The following NALF1 variants were observed in gnomAD, a reference collection of about 807,000 sequenced individuals.
The protein encoded by NALF1 is family with sequence similarity 155 member A.
In NALF1, 3 loss-of-function variants were observed where a neutral mutation model predicts 48.4. The ratio of observed to expected loss-of-function variants is 0.06; its 90% CI spans 0.03 to 0.16. The LOEUF (loss-of-function observed/expected upper bound fraction) is 0.16, where lower values mean the gene tolerates loss of function less well. NALF1 is among the 10% of genes least tolerant of loss of function. The probability of loss-of-function intolerance (pLI) is 1.00; values close to 1 mark genes in which losing one functional copy is unlikely to be tolerated. For missense variants in NALF1, 526 were observed against 571.5 expected (o/e 0.92, Z 0.81); for synonymous variants, 262 against 245.7 (o/e 1.07, Z -0.62).
chr13:107,303,257 T>A (rs569797317), intron 1 of NALF1, among the ~76,000 whole-genome samples: 1 of 152,314 alleles, frequency 6.6e-6, no homozygotes, highest in Non-Finnish European at 1.5e-5. Context: ...GCTGTAGGAT[T>A]TCTTTATATA....
rs1415963873 is a variant in NALF1, at chr13:107,782,854, C to T, written c.915+82828G>A. Reference sequence around the variant, plus strand: ...CTGAGAAGTGAGGAGACCCTCCGCCCGGCAGCCGCCCCGTCTGGGAAGTGA... The same window carrying T: ...CTGAGAAGTGAGGAGACCCTCCGCCTGGCAGCCGCCCCGTCTGGGAAGTGA... On this transcript the variant is annotated intron_variant, in intron 1 of 2. Coordinates refer to ENST00000375915, the MANE Select transcript of NALF1 (RefSeq NM_001080396.3). Among the ~76,000 whole-genome samples the T allele has an allele frequency of 5.3e-5, 8 of 151,058 alleles. No homozygotes were observed. The East Asian group carries it at 6.0e-4, about 11-fold the overall frequency.
intron 1 of NALF1, among the ~76,000 whole-genome samples, chr13:107,570,615 C>G (rs1877959123): frequency 6.7e-6 from 1 of 149,600 alleles, no homozygotes; most frequent in South Asian, 2.1e-4. Context: ...TTTTAGGGTA[C>G]ATGTGCATAA....
chr13:107,318,873 C>A (rs1882200124), intron 1 of NALF1, among the ~76,000 whole-genome samples: 1 of 152,058 alleles, frequency 6.6e-6, no homozygotes, highest in African/African-American at 2.4e-5. Context: ...CATGGTCCAC[C>A]TATGGCATAA....
At chr13:107,843,757 A>G (rs1448344308) in intron 1 of NALF1, among the ~76,000 whole-genome samples, 1 of 152,176 alleles carries the variant, frequency 6.6e-6, no homozygotes, top group Non-Finnish European at 1.5e-5. Flanking sequence ...AAATCAGTGA[A>G]AGAAAGAAGA....
intron 1 of NALF1, among the ~76,000 whole-genome samples, chr13:107,691,638 A>G (rs986345128): frequency 6.6e-6 from 1 of 152,188 alleles, no homozygotes; most frequent in African/African-American, 2.4e-5. Context: ...ATACTGTGCA[A>G]TTTATTCTCA....
intron 1 of NALF1, among the ~76,000 whole-genome samples, chr13:107,310,409 CAAA>C (rs397955378): frequency 6.2e-5 from 5 of 80,028 alleles, no homozygotes; most frequent in Non-Finnish European, 5.6e-5. Flanking sequence ...GATTCCATCT[CAAA>C]AAAAAAAAAA....
intron 1 of NALF1, among the ~76,000 whole-genome samples, chr13:107,460,659 A>C (rs527253949): frequency 6.6e-6 from 1 of 152,316 alleles, no homozygotes; most frequent in African/African-American, 2.4e-5. Context: ...ACAGGTCTAG[A>C]ACTTTACAGA....
rs368519398 is a variant in NALF1, at chr13:107,865,830, C to A, written c.767G>T (p.Gly256Val). 8 of 1,613,992 alleles carry A rather than the reference C, an allele frequency of 5.0e-6. No homozygotes were observed. In the African/African-American group the frequency reaches 1.1e-4, roughly 22 times the overall value. ...GCACTGCCTGCAAGTGGTCATCTCG[C>A]CGCCTTCCTTGAGCACCACATCCAG... Reference protein sequence around the residue: ...CSLDVVLKEGGEMTTCRQCVE... With the variant: ...CSLDVVLKEGVEMTTCRQCVE... The change falls in exon 1 of 3, where the codon GGC (glycine) becomes GTC (valine). Residue 256 changes from glycine (G) to valine (V), a missense_variant. By Grantham distance (109) the Gly-to-Val change is moderately radical. Coordinates refer to ENST00000375915, the MANE Select transcript of NALF1 (RefSeq NM_001080396.3).
intron 1 of NALF1, among the ~76,000 whole-genome samples, chr13:107,329,467 T>C (rs1882426246): frequency 6.6e-6 from 1 of 151,916 alleles, no homozygotes; most frequent in Non-Finnish European, 1.5e-5. Context: ...GCTTCACTCC[T>C]GGGAATACCT....
intron 1 of NALF1, among the ~76,000 whole-genome samples, chr13:107,667,575 A>C (rs1880891780): frequency 6.6e-6 from 1 of 152,112 alleles, no homozygotes; most frequent in Non-Finnish European, 1.5e-5. Flanking sequence ...TTCTTAAAGC[A>C]TATCTGAAGG....
At position 107,192,282 on chromosome 13, in the gene NALF1, A is replaced by C. The variant is rs77091010; in HGVS notation, c.1087+18302T>G. Among the ~76,000 whole-genome samples the C allele has an allele frequency of 6.6e-3, 1,008 of 152,334 alleles. 13 individuals carry two copies. The highest frequency in any genetic ancestry group is 0.022 in the African/African-American group (925 of 41,578). ...GGTCTGACCCAAAGACCCTGACCCA[A>C]ACGACGGATGAATAACATGCACTGA... On this transcript the variant is annotated intron_variant, in intron 2 of 2. Coordinates refer to ENST00000375915, the MANE Select transcript of NALF1 (RefSeq NM_001080396.3).
In NALF1 at chr13:107,234,253, T is replaced by A. The variant is rs938786674; in HGVS notation, c.916-23498A>T. ...TAAATAAGGCAAATGTGCACCTTGTTGGAATCAAGTGGAAAGGGCAACTTT... is the reference window on the plus strand; with the variant it reads ...TAAATAAGGCAAATGTGCACCTTGTAGGAATCAAGTGGAAAGGGCAACTTT... On this transcript the variant is annotated intron_variant, in intron 1 of 2. Coordinates refer to ENST00000375915, the MANE Select transcript of NALF1 (RefSeq NM_001080396.3). 2.6e-5 allele frequency among the ~76,000 whole-genome samples: 4 copies of A among 152,176 alleles called. 1 individual carries two copies. The highest frequency in any genetic ancestry group is 5.9e-5 in the Non-Finnish European group (4 of 68,032).
At chr13:107,336,302 G>A (rs1342581380) in intron 1 of NALF1, among the ~76,000 whole-genome samples, 1 of 151,888 alleles carries the variant, frequency 6.6e-6, no homozygotes, top group Non-Finnish European at 1.5e-5. Context: ...GCAGTGAGCT[G>A]AGATCATGCC....
At chr13:107,819,793 C>G (rs899863453) in intron 1 of NALF1, among the ~76,000 whole-genome samples, 1 of 150,990 alleles carries the variant, frequency 6.6e-6, no homozygotes, top group African/African-American at 2.4e-5. Context: ...ACACACACTT[C>G]TTTCTCTTCC....
At chr13:107,777,177 T>C (rs927944572) in intron 1 of NALF1, among the ~76,000 whole-genome samples, 1 of 152,196 alleles carries the variant, frequency 6.6e-6, no homozygotes, top group Non-Finnish European at 1.5e-5. Flanking sequence ...TAAAGTATCT[T>C]GCACGGCTGT....
chr13:107,404,280 C>A (rs1849608399), intron 1 of NALF1, among the ~76,000 whole-genome samples: 1 of 152,050 alleles, frequency 6.6e-6, no homozygotes, highest in Admixed American at 6.6e-5. Flanking sequence ...CTGAAACCTG[C>A]ATTAACCATT....
At chr13:107,427,655 T>C (rs1353318068) in intron 1 of NALF1, among the ~76,000 whole-genome samples, 1 of 152,198 alleles carries the variant, frequency 6.6e-6, no homozygotes, top group African/African-American at 2.4e-5. Context: ...TTTTAAAATT[T>C]GAAACAAAAA....
intron 1 of NALF1, among the ~76,000 whole-genome samples, chr13:107,533,370 A>C (rs1207094900): frequency 6.6e-6 from 1 of 152,096 alleles, no homozygotes; most frequent in Non-Finnish European, 1.5e-5. Flanking sequence ...GAAGGTGATT[A>C]GGTCATGAGG....
intron 1 of NALF1, among the ~76,000 whole-genome samples, chr13:107,754,397 A>ACACC (rs1491126747): frequency 3.8e-5 from 5 of 131,122 alleles, no homozygotes; most frequent in South Asian, 5.5e-4. Flanking sequence ...ACACACACAC[A>ACACC]CCATATATGG....
Sources: gnomAD v4.1 joint callset for allele counts (sites outside exome capture counted in the v4.1 genomes callset) on GRCh38, gnomAD v4.1.1 for gene constraint, MANE v1.5 for transcripts, NCBI Gene and HGNC (gene_info 2026-07-23, HGNC 2026-07-21) for gene names.